PHC2: variants seen among roughly 807,000 people sequenced by gnomAD.
PHC2 encodes the protein polyhomeotic-like protein 2.
In PHC2, 29 loss-of-function variants were observed where a neutral mutation model predicts 87.4. That is an observed-to-expected ratio of 0.33 (90% CI 0.25 to 0.45). The LOEUF is 0.45. Among genes scored for constraint, PHC2 ranks in the 20% least tolerant of loss-of-function variants. The probability of loss-of-function intolerance (pLI) is 1.00; values close to 1 mark genes in which losing one functional copy is unlikely to be tolerated. For missense variants in PHC2, 857 were observed against 1,136.7 expected, an observed-to-expected ratio of 0.75 and a Z score of 3.54; for synonymous variants, 438 against 461.7, an observed-to-expected ratio of 0.95 and a Z score of 0.66.
At chr1:33,343,349 A>G (rs986957501) in intron 9 of PHC2, among the ~76,000 whole-genome samples, 6 of 151,516 alleles carry the variant, frequency 4.0e-5, no homozygotes, top group African/African-American at 1.5e-4. Flanking sequence ...GAGCGCCTGT[A>G]GTCCCCGCTA....
At chr1:33,342,265 G>A (rs779767221) in intron 9 of PHC2, among the ~76,000 whole-genome samples, 1 of 152,198 alleles carries the variant, frequency 6.6e-6, no homozygotes, top group Non-Finnish European at 1.5e-5. Flanking sequence ...GAGCTTACTG[G>A]ATTTTAAGCA....
At chr1:33,422,284 C>A (rs1458024622) in intron 1 of PHC2, among the ~76,000 whole-genome samples, 1 of 152,166 alleles carries the variant, frequency 6.6e-6, no homozygotes, top group African/African-American at 2.4e-5. Flanking sequence ...TCTTTAGAAA[C>A]CTCTGTAGTA....
At chr1:33,415,528 C>T (rs1046481927) in intron 1 of PHC2, among the ~76,000 whole-genome samples, 3 of 152,054 alleles carry the variant, frequency 2.0e-5, no homozygotes, top group African/African-American at 7.2e-5. Flanking sequence ...ATAACTGCAT[C>T]CAAAATAAAA....
intron 1 of PHC2, among the ~76,000 whole-genome samples, chr1:33,400,866 T>C (rs530214454): frequency 6.6e-6 from 1 of 152,224 alleles, no homozygotes; most frequent in African/African-American, 2.4e-5. Context: ...GTGCTTCAGA[T>C]AGCTGCCCTT....
chr1:33,372,004 C>T (rs1647875497), intron 3 of PHC2, among the ~76,000 whole-genome samples: 1 of 152,252 alleles, frequency 6.6e-6, no homozygotes, highest in South Asian at 2.1e-4. Flanking sequence ...CTGGAACCCA[C>T]AGTCCTTTCC....
In PHC2 at chr1:33,364,385, T is replaced by C. The variant is rs941488369; in HGVS notation, c.976+2731A>G. Among the ~76,000 whole-genome samples, 1 of 122,158 alleles carries C rather than the reference T, an allele frequency of 8.2e-6. No homozygotes were observed. The highest frequency in any genetic ancestry group is 1.6e-5 in the Non-Finnish European group (1 of 60,932). 80.1% of individuals were successfully genotyped at this position (122,158 alleles called of 152,430 possible). A position where few individuals can be genotyped will look rare whatever the true frequency, so the allele number is the denominator to read the frequency against. On this transcript the variant is annotated intron_variant, in intron 7 of 14. Transcript: ENST00000683057. The surrounding 1 kb of genome is among the most constrained non-coding windows in gnomAD (Gnocchi z 4.1). Reference sequence around the variant, plus strand: ...ACACACACACACACACACACACACTTGCTTTCACACACACACACACACACA... The same window carrying C: ...ACACACACACACACACACACACACTCGCTTTCACACACACACACACACACA...
intron 7 of PHC2, among the ~76,000 whole-genome samples, chr1:33,357,992 C>G (rs540672493): frequency 6.6e-6 from 1 of 152,108 alleles, no homozygotes; most frequent in Non-Finnish European, 1.5e-5. Context: ...GCTGGCTGTG[C>G]GGCCTGAGAC....
intron 7 of PHC2, among the ~76,000 whole-genome samples, chr1:33,359,403 G>A (rs962840873): frequency 6.6e-6 from 1 of 152,192 alleles, no homozygotes; most frequent in African/African-American, 2.4e-5. Context: ...GTCCACTATA[G>A]TTGACTAGAG....
At chr1:33,370,296 A>T in intron 5 of PHC2, 125 bp downstream of exon 5, 1 of 793,262 alleles carries the variant, frequency 1.3e-6, no homozygotes, top group East Asian at 2.7e-5. Flanking sequence ...TCTTTATCCC[A>T]CCCCTTATCT....
chr1:33,346,098 G>A, intron 9 of PHC2: 1 of 985,250 alleles, frequency 1.0e-6, no homozygotes, highest in Non-Finnish European at 1.2e-6. Context: ...GTTCAGTTTT[G>A]GGTTCCATGA....
intron 1 of PHC2, among the ~76,000 whole-genome samples, chr1:33,404,972 G>A (rs1002782032): frequency 6.6e-6 from 1 of 152,132 alleles, no homozygotes; most frequent in Non-Finnish European, 1.5e-5. Context: ...CACAGTAGAT[G>A]AGAGAGAAAA....
rs377183628 is a variant in PHC2, at chr1:33,340,691, G to A, written c.1559-6399C>T. 1.1e-4 allele frequency among the ~76,000 whole-genome samples: 16 copies of A among 152,314 alleles called. 1 individual carries two copies. In the South Asian group the frequency reaches 3.3e-3, roughly 32 times the overall value. On this transcript the variant is annotated intron_variant, in intron 9 of 14. Transcript: ENST00000683057. ...GTTTGTTGACACCTTCCCCCAGGGCGGGGTAAGTGAAGGGTAGGAAAGTGA... is the reference window on the plus strand; with the variant it reads ...GTTTGTTGACACCTTCCCCCAGGGCAGGGTAAGTGAAGGGTAGGAAAGTGA...
At chr1:33,414,216 CACAA>C (rs796313241) in intron 1 of PHC2, among the ~76,000 whole-genome samples, 19 of 150,786 alleles carry the variant, frequency 1.3e-4, no homozygotes, top group African/African-American at 4.2e-4. Flanking sequence ...CACACACACA[CACAA>C]GAAAGGTTAA....
chr1:33,333,872 A>G (rs1646562730), intron 10 of PHC2: 1 of 529,164 alleles, frequency 1.9e-6, no homozygotes, highest in African/African-American at 1.9e-5. Flanking sequence ...CTTCTAACCA[A>G]GGGTCTTGTC....
At chr1:33,422,988 C>T (rs1296275266) in intron 1 of PHC2, among the ~76,000 whole-genome samples, 2 of 151,944 alleles carry the variant, frequency 1.3e-5, no homozygotes, top group African/African-American at 4.8e-5. Context: ...TATAATTCTT[C>T]GAGGTAGGGA....
Position 33,349,120 on chromosome 1 carries a change from G to T in PHC2, c.1558+5281C>A, listed in dbSNP as rs1248871023. On this transcript the variant is annotated intron_variant, in intron 9 of 14. Coordinates refer to ENST00000683057, the MANE Select transcript of PHC2 (RefSeq NM_001385109.1). The surrounding 1 kb of genome is among the most constrained non-coding windows in gnomAD (Gnocchi z 4.2). Reference sequence around the variant, plus strand: ...TGGAAGAAAAGACACAGAACAGCTTGTCCCTTTCCATCCAATTAAAAACCT... The same window carrying T: ...TGGAAGAAAAGACACAGAACAGCTTTTCCCTTTCCATCCAATTAAAAACCT... 3.0e-6 allele frequency: 3 copies of T among 985,246 alleles called. No homozygotes were observed. Among genetic ancestry groups the T allele is most frequent in the Non-Finnish European group, 3.6e-6 (3 of 829,848 alleles). The allele number at this position is 985,246 out of a possible 1,614,324, so 61.0% of individuals were successfully genotyped here.
chr1:33,399,154 G>C (rs904609786), intron 1 of PHC2, among the ~76,000 whole-genome samples: 11 of 152,172 alleles, frequency 7.2e-5, no homozygotes, highest in African/African-American at 2.7e-4. Flanking sequence ...TTATGAGTGT[G>C]ACTAGGACAA....
intron 14 of PHC2, 95 bp downstream of exon 14, chr1:33,328,775 T>G (rs1646426273): frequency 6.3e-6 from 8 of 1,260,166 alleles, no homozygotes; most frequent in African/African-American, 1.5e-5. Flanking sequence ...CCTGAGTCAT[T>G]AACTAAACTA....
At chr1:33,397,591 C>G (rs1238858593) in intron 1 of PHC2, among the ~76,000 whole-genome samples, 1 of 152,124 alleles carries the variant, frequency 6.6e-6, no homozygotes, top group Non-Finnish European at 1.5e-5. Context: ...TGAGACTGGT[C>G]CAGATTCAGC....
Sources: allele counts gnomAD v4.1 joint callset (sites outside exome capture counted in the v4.1 genomes callset), GRCh38; gene constraint gnomAD v4.1.1; non-coding constraint Gnocchi (gnomAD v3.1); transcripts MANE v1.5; gene names NCBI Gene and HGNC (gene_info 2026-07-23, HGNC 2026-07-21).